Variants in CDKN2B-AS1 observed in about 807,000 individuals in gnomAD.
CDKN2B-AS1 encodes the protein CDKN2B and CDKN2A antisense cis and trans regulatory RNA 1.
intron 4 of CDKN2B-AS1, among the ~76,000 whole-genome samples, chr9:22,062,234 C>T (rs1018156145): frequency 6.6e-6 from 1 of 152,128 alleles, no homozygotes; most frequent in Admixed American, 6.5e-5. Flanking sequence ...AAAAATGCAC[C>T]ATGCTATTGT....
intron 1 of CDKN2B-AS1, chr9:22,009,059 C>T (rs989678316): frequency 1.3e-6 from 2 of 1,506,792 alleles, no homozygotes; most frequent in South Asian, 1.1e-5. Flanking sequence ...CTCTCTCCTT[C>T]CTAGGAGACC....
At chr9:22,033,976 G>A (rs1234255603) in intron 1 of CDKN2B-AS1, among the ~76,000 whole-genome samples, 1 of 152,184 alleles carries the variant, frequency 6.6e-6, no homozygotes. Context: ...CTACAGCAGG[G>A]TTTGAACCCA....
chr9:21,995,465 A>T lies in CDKN2B-AS1; in HGVS notation n.29+304A>T, dbSNP rs1587361285. On this transcript the variant is annotated intron_variant and non_coding_transcript_variant, in intron 1 of 4. Transcript: ENST00000650946. This position sits in a 1 kb window ranked among gnomAD's most constrained non-coding sequence, Gnocchi z 5.7. ...CCTCCACGCTCTGCCCCGCGCCCAG[A>T]CACCCCGACTCCCCTTGATCCCGCC... is the stretch of plus-strand genomic sequence containing the variant. The T allele has an allele frequency of 6.6e-6, 1 of 152,460 alleles. No individual in the cohort carries two copies. The highest frequency in any genetic ancestry group is 1.5e-5 in the Non-Finnish European group (1 of 68,218). The allele number at this position is 152,460 out of a possible 1,614,324, so 9.4% of individuals were successfully genotyped here. A position where few individuals can be genotyped will look rare whatever the true frequency, so the allele number is the denominator to read the frequency against.
intron 4 of CDKN2B-AS1, chr9:22,120,782 A>G (rs1344191102): frequency 5.9e-5 from 2 of 33,908 alleles, no homozygotes; most frequent in Non-Finnish European, 1.0e-4. Flanking sequence ...CATTATATCC[A>G]TCATTATCAT....
At chr9:22,116,262 C>A (rs60601001) in intron 4 of CDKN2B-AS1, among the ~76,000 whole-genome samples, 2 of 152,042 alleles carry the variant, frequency 1.3e-5, no homozygotes, top group Non-Finnish European at 2.9e-5. Context: ...GTATATCAAA[C>A]GGATATAAGT....
rs562055901 is a variant in CDKN2B-AS1 at position 22,047,828 on chromosome 9, C to T, written n.179+928C>T. 5.2e-3 allele frequency among the ~76,000 whole-genome samples: 790 copies of T among 151,374 alleles called. 8 individuals carry two copies. The highest frequency in any genetic ancestry group is 0.018 in the African/African-American group (737 of 41,228). ...TTTAGACAGGGAATCATTCTGTTGC[C>T]CAGGCTGTAATGCAGTGGCACAATC... On this transcript the variant is annotated intron_variant and non_coding_transcript_variant, in intron 2 of 4. Coordinates refer to ENST00000650946, the Ensembl canonical transcript of CDKN2B-AS1.
Position 21,997,978 on chromosome 9 carries a change from A to G in CDKN2B-AS1, n.29+2817A>G, listed in dbSNP as rs1281722184. Among the ~76,000 whole-genome samples the G allele has an allele frequency of 2.0e-5, 3 of 152,194 alleles. No homozygotes were observed. The highest frequency in any genetic ancestry group is 4.4e-5 in the Non-Finnish European group (3 of 68,038). Reference sequence around the variant, plus strand: ...GTATAATCATTTTCTCTCCACAGGAACTAGACCTAGGGATAAGGGTAATTG... The same window carrying G: ...GTATAATCATTTTCTCTCCACAGGAGCTAGACCTAGGGATAAGGGTAATTG... On this transcript the variant is annotated intron_variant and non_coding_transcript_variant, in intron 1 of 4. Transcript: ENST00000650946. This position sits in a 1 kb window ranked among gnomAD's most constrained non-coding sequence, Gnocchi z 4.8.
At chr9:22,080,876 A>G (rs576003949) in intron 4 of CDKN2B-AS1, among the ~76,000 whole-genome samples, 5 of 152,328 alleles carry the variant, frequency 3.3e-5, no homozygotes, top group South Asian at 2.1e-4. Context: ...CAAAAGTACT[A>G]TGACTTTTTA....
intron 1 of CDKN2B-AS1, among the ~76,000 whole-genome samples, chr9:22,008,335 CTA>C (rs1181859845): frequency 6.6e-6 from 1 of 152,104 alleles, no homozygotes; most frequent in Non-Finnish European, 1.5e-5. Context: ...CAATTAACCT[CTA>C]TGAGAAAACA....
chr9:22,012,150 C>A (rs749535982), intron 1 of CDKN2B-AS1: 93 of 1,250,248 alleles, frequency 7.4e-5, no homozygotes, highest in Non-Finnish European at 1.1e-4. Context: ...GCTGCAGACA[C>A]AGAGATGCAG....
intron 1 of CDKN2B-AS1, chr9:22,003,509 G>A (rs1482203289): frequency 8.7e-6 from 2 of 228,700 alleles, no homozygotes; most frequent in Non-Finnish European, 1.7e-5. Flanking sequence ...AAGATATAGA[G>A]GTCAAATTAA....
chr9:22,049,918 C>A (rs1389594703), intron 3 of CDKN2B-AS1, among the ~76,000 whole-genome samples: 5 of 151,958 alleles, frequency 3.3e-5, no homozygotes, highest in Non-Finnish European at 5.9e-5. Context: ...TCCTAGCAAT[C>A]ATAAAATTTA....
chr9:22,110,660 T>TAA (rs556374986), intron 4 of CDKN2B-AS1, among the ~76,000 whole-genome samples: 1 of 152,122 alleles, frequency 6.6e-6, no homozygotes, highest in Non-Finnish European at 1.5e-5. Context: ...TATAAGTGCG[T>TAA]AAACCATGTA....
At chr9:22,019,050 C>G (rs1470689471) in intron 1 of CDKN2B-AS1, among the ~76,000 whole-genome samples, 1 of 152,138 alleles carries the variant, frequency 6.6e-6, no homozygotes, top group Non-Finnish European at 1.5e-5. Flanking sequence ...TCAGAAGAAA[C>G]TGCATGTGGC....
intron 1 of CDKN2B-AS1, among the ~76,000 whole-genome samples, chr9:22,021,247 T>TA (rs1374180446): frequency 6.6e-6 from 1 of 152,038 alleles, no homozygotes; most frequent in Non-Finnish European, 1.5e-5. Context: ...TGCTTTTTTT[T>TA]ATGTTCTTAA....
At chr9:22,103,845 A>T (rs773074153) in intron 4 of CDKN2B-AS1, among the ~76,000 whole-genome samples, 68 of 152,232 alleles carry the variant, frequency 4.5e-4, no homozygotes, top group Non-Finnish European at 7.8e-4. Context: ...CTATTGAAAT[A>T]AAAATGTCCT....
At chr9:22,017,078 T>C (rs1430827209) in intron 1 of CDKN2B-AS1, among the ~76,000 whole-genome samples, 1 of 152,242 alleles carries the variant, frequency 6.6e-6, no homozygotes, top group Non-Finnish European at 1.5e-5. Flanking sequence ...ATACATAATA[T>C]TAACTTTTTT....
At chr9:22,094,275 C>A (rs531918541) in intron 4 of CDKN2B-AS1, among the ~76,000 whole-genome samples, 1 of 143,352 alleles carries the variant, frequency 7.0e-6, no homozygotes, top group Non-Finnish European at 1.5e-5. Flanking sequence ...TCAACTTTGG[C>A]AAATCCGACA....
At chr9:22,127,710 T>A (rs1818038306) in exon 5 of CDKN2B-AS1, among the ~76,000 whole-genome samples, 1 of 152,130 alleles carries the variant, frequency 6.6e-6, no homozygotes, top group Non-Finnish European at 1.5e-5. Flanking sequence ...GAACTTTGAC[T>A]TAACGAGGAT....
Sources: allele counts gnomAD v4.1 joint callset (sites outside exome capture counted in the v4.1 genomes callset), GRCh38; gene constraint gnomAD v4.1.1; non-coding constraint Gnocchi (gnomAD v3.1); transcripts MANE v1.5; gene names NCBI Gene and HGNC (gene_info 2026-07-23, HGNC 2026-07-21).